Variants in FAAH observed in about 807,000 individuals in gnomAD.
FAAH encodes the protein fatty-acid amide hydrolase 1.
In FAAH, 63 loss-of-function variants were observed where a neutral mutation model predicts 69.7. That is an observed-to-expected ratio of 0.90 (90% confidence interval 0.74 to 1.12). FAAH has a LOEUF of 1.12. Among genes scored for constraint, FAAH ranks in the 50% most tolerant of loss-of-function variants. FAAH has a pLI of 0.00. For missense variants in FAAH, 680 were observed against 755.0 expected (o/e 0.90, Z 1.16); for synonymous variants, 305 against 324.2 (o/e 0.94, Z 0.64).
In FAAH at chr1:46,410,519, G is replaced by C. The variant is rs767053943; in HGVS notation, c.1275+22G>C. The C allele has an allele frequency of 6.2e-7, 1 of 1,600,518 alleles. No homozygotes were observed. Among genetic ancestry groups the C allele is most frequent in the African/African-American group, 1.3e-5 (1 of 74,694 alleles). On this transcript the variant is annotated intron_variant, in intron 10 of 14. Transcript: ENST00000243167. The surrounding 1 kb of genome is among the most constrained non-coding windows in gnomAD (Gnocchi z 4.9). ...TCTGGTGAGGGCACAAGGAGTGGAG[G>C]GGCTAGGATGGCTGGGGGGGAACCT...
intron 13 of FAAH, among the ~76,000 whole-genome samples, chr1:46,412,457 A>G (rs1664934594): frequency 6.6e-6 from 1 of 152,160 alleles, no homozygotes; most frequent in Non-Finnish European, 1.5e-5. Flanking sequence ...GGGGATCTTG[A>G]GTTACAGAAT....
At position 46,411,798 on chromosome 1, in the gene FAAH, T is replaced by G; in HGVS notation, c.1356+147T>G. The stretch of plus-strand genomic sequence containing the variant: ...CCCCTTCCACTCCCTGGACCACCAC[T>G]TGGGCCCAGCTCTCTGACCCTTACT... On this transcript the variant is annotated intron_variant, in intron 12 of 14. Transcript: ENST00000243167. This position sits in a 1 kb window ranked among gnomAD's most constrained non-coding sequence, Gnocchi z 4.8. 1.1e-6 allele frequency: 1 copy of G among 901,920 alleles called. No homozygotes were observed. The highest frequency in any genetic ancestry group is 1.5e-5 in the South Asian group (1 of 64,682). 55.9% of individuals were successfully genotyped at this position (901,920 alleles called of 1,614,324 possible).
At chr1:46,412,906 G>C (rs931726456) in intron 13 of FAAH, among the ~76,000 whole-genome samples, 169 bp from the exon 14 acceptor site, 3 of 152,266 alleles carry the variant, frequency 2.0e-5, no homozygotes, top group African/African-American at 4.8e-5. Context: ...TGTCCAGCCC[G>C]GCCCTGAAAT....
rs768728154 is a variant in FAAH at position 46,405,132 on chromosome 1, A to C, written c.428A>C (p.Glu143Ala). 29 of 1,613,662 alleles carry C rather than the reference A, an allele frequency of 1.8e-5. No homozygotes were observed. Among genetic ancestry groups the C allele is most frequent in the Middle Eastern group, 3.3e-4 (2 of 6,084 alleles). ...LLYGVPVSLK[E>A]CFTYKGQDST... ...TATGGCGTCCCTGTGAGCCTCAAGG[A>C]GTGCTTCACCTACAAGGTATGCTCT... The change falls in exon 3 of 15, where the codon GAG becomes GCG. Residue 143 changes from glutamate (E) to alanine (A), a missense_variant. Transcript: ENST00000243167. This position sits in a 1 kb window ranked among gnomAD's most constrained non-coding sequence, Gnocchi z 4.1.
intron 1 of FAAH, 105 bp downstream of exon 1, chr1:46,394,648 G>C (rs1664565326): frequency 1.0e-6 from 1 of 966,524 alleles, no homozygotes; most frequent in Non-Finnish European, 1.4e-6. Context: ...GGGCAGAGCA[G>C]ATGTGTAACT....
rs1664792802 is a variant in FAAH, at chr1:46,406,269, C to G, written c.852C>G (p.Ala284=). ...TGCGTCTCTCCGTGGGCCCCATGGC[C>G]CGGGACGTGGAGAGCCTGGCACTGT... is the stretch of plus-strand genomic sequence containing the variant. ...EAVRLSVGPM[A]RDVESLALCL... Residue 284 remains alanine, a synonymous_variant, in exon 7 of 15, where the codon GCC becomes GCG. Transcript: ENST00000243167. 3 of 1,614,066 alleles carry G rather than the reference C, an allele frequency of 1.9e-6. No homozygotes were observed. The East Asian group carries it at 6.7e-5, about 36-fold the overall frequency.
Position 46,412,255 on chromosome 1 carries a change from A to T in FAAH, c.1465+4A>T. ...AATGCCCCAGGCAGGGCCACAGGTG[A>T]GGCCCGACACCCTGCCTGTCCCTTC... On this transcript the variant is annotated splice_donor_region_variant and intron_variant, in intron 13 of 14. Transcript: ENST00000243167. The T allele has an allele frequency of 6.5e-7, 1 of 1,547,320 alleles. No homozygotes were observed. Among genetic ancestry groups the T allele is most frequent in the Non-Finnish European group, 8.7e-7 (1 of 1,143,092 alleles).
At chr1:46,406,513 G>C in intron 7 of FAAH, 145 bp downstream of exon 7, 2 of 979,534 alleles carry the variant, frequency 2.0e-6, no homozygotes, top group Non-Finnish European at 3.2e-6. Context: ...TCCACAGACG[G>C]CCACCAGATG....
intron 2 of FAAH, among the ~76,000 whole-genome samples, chr1:46,402,768 C>T (rs1446134313): frequency 6.6e-6 from 1 of 151,770 alleles, no homozygotes; most frequent in Non-Finnish European, 1.5e-5. Context: ...TCTTGGCTCA[C>T]TGCAGCCTCC....
Position 46,410,789 on chromosome 1 carries a change from C to T in FAAH, c.1276-25C>T. On this transcript the variant is annotated intron_variant, in intron 10 of 14. Coordinates refer to ENST00000243167, the MANE Select transcript of FAAH (RefSeq NM_001441.3). This position sits in a 1 kb window ranked among gnomAD's most constrained non-coding sequence, Gnocchi z 4.9. ...TCTGCCGTGGCCCAGAGCTGAGTCA[C>T]CGACCCTGCGTCTGTCCTGTGCAGC... The T allele has an allele frequency of 6.2e-7, 1 of 1,614,174 alleles. No homozygotes were observed. Among genetic ancestry groups the T allele is most frequent in the Non-Finnish European group, 8.5e-7 (1 of 1,180,008 alleles).
rs749504580 is a variant in FAAH at position 46,411,372 on chromosome 1, G to T, written c.1317-240G>T. Among the ~76,000 whole-genome samples, 11 of 152,236 alleles carry T rather than the reference G, an allele frequency of 7.2e-5. No homozygotes were observed. The highest frequency in any genetic ancestry group is 1.2e-4 in the Non-Finnish European group (8 of 68,052). On this transcript the variant is annotated intron_variant, in intron 11 of 14. Coordinates refer to ENST00000243167, the MANE Select transcript of FAAH (RefSeq NM_001441.3). The surrounding 1 kb of genome is among the most constrained non-coding windows in gnomAD (Gnocchi z 4.8). Reference sequence around the variant, plus strand: ...TCTCCCGTGTCCTGAGGGTAGCGAGGAATCGGGCCTGGGCTAGTCCTGGCT... The same window carrying T: ...TCTCCCGTGTCCTGAGGGTAGCGAGTAATCGGGCCTGGGCTAGTCCTGGCT...
rs543654422 is a variant in FAAH at position 46,410,497 on chromosome 1, G to A, written c.1275G>A (p.Leu425=). ...KGLLAFLVKP[L]LPRLSAFLSN... is the part of the protein sequence containing the mutation. The stretch of plus-strand genomic sequence containing the variant: ...TGCTGGCCTTCCTGGTGAAGCCTCT[G>A]GTGAGGGCACAAGGAGTGGAGGGGC... Residue 425 remains leucine, a splice_region_variant and synonymous_variant, in exon 10 of 15, where the codon CTG becomes CTA. Coordinates refer to ENST00000243167, the MANE Select transcript of FAAH (RefSeq NM_001441.3). This position sits in a 1 kb window ranked among gnomAD's most constrained non-coding sequence, Gnocchi z 4.9. 1.9e-6 allele frequency: 3 copies of A among 1,613,792 alleles called. No individual in the cohort carries two copies. Among genetic ancestry groups the A allele is most frequent in the East Asian group, 4.5e-5 (2 of 44,874 alleles).
rs1481879639 is a variant in FAAH at position 46,404,153 on chromosome 1, G to T, written c.310-861G>T. On this transcript the variant is annotated intron_variant, in intron 2 of 14. Transcript: ENST00000243167. This position sits in a 1 kb window ranked among gnomAD's most constrained non-coding sequence, Gnocchi z 4.5. ...GTACATAGTCTCAGCAGATGGTCTT[G>T]CTTCTTCCCTGTCAATGTCCCTGAA... is the stretch of plus-strand genomic sequence containing the variant. Among the ~76,000 whole-genome samples, 1 of 152,196 alleles carries T rather than the reference G, an allele frequency of 6.6e-6. No individual in the cohort carries two copies. The highest frequency in any genetic ancestry group is 1.5e-5 in the Non-Finnish European group (1 of 68,026).
Position 46,410,592 on chromosome 1 carries a change from G to C in FAAH, c.1275+95G>C, listed in dbSNP as rs1664894910. The C allele has an allele frequency of 8.0e-7, 1 of 1,249,134 alleles. No individual in the cohort carries two copies. Among genetic ancestry groups the C allele is most frequent in the South Asian group, 1.2e-5 (1 of 80,696 alleles). 77.4% of individuals were successfully genotyped at this position (1,249,134 alleles called of 1,614,324 possible). A position where few individuals can be genotyped will look rare whatever the true frequency, so the allele number is the denominator to read the frequency against. On this transcript the variant is annotated intron_variant, in intron 10 of 14. Transcript: ENST00000243167. The surrounding 1 kb of genome is among the most constrained non-coding windows in gnomAD (Gnocchi z 4.9). ...CCCATGGCCTCCCTCAGCCTCTCTT[G>C]GTTTGGGCAGGCATGGCCTCCTCTT...
Position 46,412,265 on chromosome 1 carries a change from C to T in FAAH, c.1465+14C>T. 2 of 1,537,200 alleles carry T rather than the reference C, an allele frequency of 1.3e-6. No individual in the cohort carries two copies. Among genetic ancestry groups the T allele is most frequent in the Non-Finnish European group, 1.8e-6 (2 of 1,134,256 alleles). On this transcript the variant is annotated intron_variant, in intron 13 of 14. Coordinates refer to ENST00000243167, the MANE Select transcript of FAAH (RefSeq NM_001441.3). ...GCAGGGCCACAGGTGAGGCCCGACACCCTGCCTGTCCCTTCTGTGAATCTG... is the reference window on the plus strand; with the variant it reads ...GCAGGGCCACAGGTGAGGCCCGACATCCTGCCTGTCCCTTCTGTGAATCTG...
intron 9 of FAAH, chr1:46,409,945 A>C (rs1026740233): frequency 2.2e-5 from 4 of 181,832 alleles, no homozygotes. Context: ...GTCACTCCTC[A>C]CTCTGGCCCT....
rs1327799413 is a variant in FAAH at position 46,404,821 on chromosome 1, G to A, written c.310-193G>A. On this transcript the variant is annotated intron_variant, in intron 2 of 14. Coordinates refer to ENST00000243167, the MANE Select transcript of FAAH (RefSeq NM_001441.3). The surrounding 1 kb of genome is among the most constrained non-coding windows in gnomAD (Gnocchi z 4.5). Reference sequence around the variant, plus strand: ...GCCAGAGACAGCCAGGATGAGGCCTGGGCCAAATGTCCCTAGTGAGGCAGA... The same window carrying A: ...GCCAGAGACAGCCAGGATGAGGCCTAGGCCAAATGTCCCTAGTGAGGCAGA... 6.6e-6 allele frequency among the ~76,000 whole-genome samples: 1 copy of A among 152,206 alleles called. No individual in the cohort carries two copies. Among genetic ancestry groups the A allele is most frequent in the African/African-American group, 2.4e-5 (1 of 41,450 alleles).
At position 46,410,932 on chromosome 1, in the gene FAAH, A is replaced by G. The variant is rs1300027484; in HGVS notation, c.1316+78A>G. On this transcript the variant is annotated intron_variant, in intron 11 of 14. Transcript: ENST00000243167. The surrounding 1 kb of genome is among the most constrained non-coding windows in gnomAD (Gnocchi z 4.9). Reference sequence around the variant, plus strand: ...CTGGGTCTGGGTAGTTTCTGACAGGAAAGGACTTGAGGGAAGTAGCCTCTG... The same window carrying G: ...CTGGGTCTGGGTAGTTTCTGACAGGGAAGGACTTGAGGGAAGTAGCCTCTG... 1.3e-6 allele frequency: 2 copies of G among 1,584,858 alleles called. No homozygotes were observed. The highest frequency in any genetic ancestry group is 2.2e-5 in the South Asian group (2 of 90,398).
intron 1 of FAAH, among the ~76,000 whole-genome samples, chr1:46,399,150 A>C (rs1053383063): frequency 1.3e-5 from 2 of 152,272 alleles, no homozygotes; most frequent in Admixed American, 6.5e-5. Context: ...TTTTTCCTAC[A>C]TCTCTTACAA....
Sources: allele counts gnomAD v4.1 joint callset (sites outside exome capture counted in the v4.1 genomes callset), GRCh38; gene constraint gnomAD v4.1.1; non-coding constraint Gnocchi (gnomAD v3.1); transcripts MANE v1.5; gene names NCBI Gene and HGNC (gene_info 2026-07-23, HGNC 2026-07-21).